The following KLF8 variants were observed in gnomAD, a reference collection of about 807,000 sequenced individuals.
The protein encoded by KLF8 is KLF transcription factor 8.
A neutral mutation model predicts 18.2 loss-of-function variants in KLF8; 10 were observed. The ratio of observed to expected loss-of-function variants is 0.55; its 90% confidence interval spans 0.34 to 0.93. The LOEUF (loss-of-function observed/expected upper bound fraction) is 0.93. Ranked by LOEUF, KLF8 falls within the 40% of genes least tolerant of loss-of-function variation. KLF8 has a pLI of 0.02. For synonymous variants in KLF8, 109 were observed against 97.3 expected (o/e 1.12, Z -0.71); for missense variants, 264 against 277.9 (o/e 0.95, Z 0.36).
chrX:55,963,991 A>T, the KLF8 span, among the ~76,000 whole-genome samples: 1 of 112,221 alleles, frequency 8.9e-6, no homozygotes, highest in Non-Finnish European at 1.9e-5. Context: ...TCATAAAATT[A>T]CATGGAAATT....
At chrX:56,134,348 C>A in the KLF8 span, among the ~76,000 whole-genome samples, 1 of 111,378 alleles carries the variant, frequency 9.0e-6, no homozygotes, top group Non-Finnish European at 1.9e-5. Flanking sequence ...AAAGGAGAAC[C>A]CAGAAATAAA....
the KLF8 span, among the ~76,000 whole-genome samples, chrX:56,221,599 C>T: frequency 0.013 from 1,479 of 110,905 alleles, 11 homozygotes; most frequent in Non-Finnish European, 0.018. Context: ...TTCACGGTCT[C>T]GCTGGCCCAG....
the KLF8 span, among the ~76,000 whole-genome samples, chrX:55,939,641 A>C: frequency 2.7e-5 from 3 of 111,752 alleles, no homozygotes; most frequent in African/African-American, 9.8e-5. Context: ...AGAGTAATAA[A>C]GAAGAAAAGA....
the KLF8 span, among the ~76,000 whole-genome samples, chrX:56,008,994 G>A: frequency 2.7e-5 from 3 of 111,610 alleles, no homozygotes; most frequent in Non-Finnish European, 5.6e-5. Context: ...TGGATTAGTC[G>A]ACTGAGTCTT....
chrX:55,985,619 G>T, the KLF8 span, among the ~76,000 whole-genome samples: 1 of 99,003 alleles, frequency 1.0e-5, no homozygotes, highest in Non-Finnish European at 2.1e-5. Flanking sequence ...GTCTTTTTTG[G>T]TTCCATAAGA....
the KLF8 span, among the ~76,000 whole-genome samples, chrX:56,183,223 T>C: frequency 2.6e-4 from 29 of 111,949 alleles, no homozygotes; most frequent in African/African-American, 9.4e-4. Flanking sequence ...CTTGGACTGC[T>C]GTACTAGCAG....
the KLF8 span, among the ~76,000 whole-genome samples, chrX:56,227,214 C>T: frequency 8.9e-6 from 1 of 112,237 alleles, no homozygotes; most frequent in Non-Finnish European, 1.9e-5. Context: ...TAAGCATGAG[C>T]TTGCCTTTGG....
chrX:55,948,271 G>A, the KLF8 span, among the ~76,000 whole-genome samples: 1 of 111,992 alleles, frequency 8.9e-6, no homozygotes, highest in Non-Finnish European at 1.9e-5. Context: ...CAGGCCATAT[G>A]GTCTCTATTG....
the KLF8 span, among the ~76,000 whole-genome samples, chrX:56,178,193 C>T: frequency 3.6e-5 from 4 of 112,454 alleles, no homozygotes; most frequent in Admixed American, 2.8e-4. Flanking sequence ...CTGCTTCGCT[C>T]ACGCTGGGAG....
At chrX:56,191,957 T>C in the KLF8 span, among the ~76,000 whole-genome samples, 1 of 111,236 alleles carries the variant, frequency 9.0e-6, no homozygotes, top group Non-Finnish European at 1.9e-5. Flanking sequence ...TTTCACGTAG[T>C]ATGGGAAGAC....
At chrX:56,053,544 G>GTTTTTTTTTTTT in the KLF8 span, among the ~76,000 whole-genome samples, 2 of 68,736 alleles carry the variant, frequency 2.9e-5, no homozygotes, top group Non-Finnish European at 4.8e-5. Context: ...TCTTTTCTTT[G>GTTTTTTTTTTTT]TTTTTTTTTT....
chrX:56,067,826 C>G, the KLF8 span, among the ~76,000 whole-genome samples: 1 of 112,169 alleles, frequency 8.9e-6, no homozygotes, highest in East Asian at 2.8e-4. Flanking sequence ...CTTCTACAAG[C>G]CTTGGGCCCT....
At chrX:56,041,792 G>A in the KLF8 span, among the ~76,000 whole-genome samples, 3 of 110,812 alleles carry the variant, frequency 2.7e-5, no homozygotes, top group African/African-American at 9.9e-5. Context: ...TGGGTTCAAG[G>A]GATTCTTCTG....
At chrX:56,039,291 A>G in the KLF8 span, among the ~76,000 whole-genome samples, 2 of 111,885 alleles carry the variant, frequency 1.8e-5, no homozygotes, top group Admixed American at 9.5e-5. Context: ...GCCCATGCCT[A>G]TGTCCTAAAT....
the KLF8 span, among the ~76,000 whole-genome samples, chrX:56,181,689 C>G: frequency 2.7e-5 from 3 of 110,897 alleles, no homozygotes; most frequent in African/African-American, 6.6e-5. Flanking sequence ...ATTTGCGTGT[C>G]TGTAAAGGAT....
the KLF8 span, among the ~76,000 whole-genome samples, chrX:55,945,479 G>A: frequency 9.1e-6 from 1 of 110,414 alleles, no homozygotes; most frequent in Non-Finnish European, 1.9e-5. Context: ...TCTCTTTGTA[G>A]GTCGTATCTC....
At chrX:56,230,655 A>AT (rs1178430965), upstream of KLF8, among the ~76,000 whole-genome samples, 2 of 111,971 alleles carry the variant, frequency 1.8e-5, no homozygotes, top group African/African-American at 6.5e-5. Context: ...ATGTCTACCC[A>AT]TAGGATTGTC....
the KLF8 span, among the ~76,000 whole-genome samples, chrX:56,070,383 T>C: frequency 2.7e-5 from 3 of 111,145 alleles, no homozygotes; most frequent in African/African-American, 9.8e-5. Flanking sequence ...ACCTGCACGT[T>C]CTGCACAGGT....
the KLF8 span, among the ~76,000 whole-genome samples, chrX:56,188,034 C>T: frequency 9.0e-6 from 1 of 110,770 alleles, no homozygotes; most frequent in African/African-American, 3.3e-5. Context: ...GGCAATTAGG[C>T]AGGCGAAGGA....
Sources: gnomAD v4.1 joint callset for allele counts (sites outside exome capture counted in the v4.1 genomes callset) on GRCh38, gnomAD v4.1.1 for gene constraint, MANE v1.5 for transcripts, NCBI Gene and HGNC (gene_info 2026-07-23, HGNC 2026-07-21) for gene names.